C13orf42: variants seen among roughly 807,000 people sequenced by gnomAD.
C13orf42 encodes the protein chromosome 13 open reading frame 42.
chr13:51,101,413 G>A (rs7327406), intron 1 of C13orf42, among the ~76,000 whole-genome samples: 54,940 of 151,808 alleles, frequency 0.36, 10,265 homozygotes, highest in East Asian at 0.56. Flanking sequence ...AATGTATAGC[G>A]TGTGTTTTTG....
intron 1 of C13orf42, among the ~76,000 whole-genome samples, chr13:51,118,320 C>T (rs1257105204): frequency 1.3e-5 from 2 of 152,228 alleles, no homozygotes; most frequent in Non-Finnish European, 2.9e-5. Context: ...TATCCCCTGA[C>T]AGGGAACTGG....
intron 1 of C13orf42, among the ~76,000 whole-genome samples, chr13:51,121,028 T>C (rs1260275749): frequency 6.6e-6 from 1 of 152,106 alleles, no homozygotes; most frequent in Non-Finnish European, 1.5e-5. Flanking sequence ...AACAAATAAA[T>C]GCCCGTCATA....
At chr13:51,150,908 C>G (rs1045105974) in intron 1 of C13orf42, among the ~76,000 whole-genome samples, 3 of 152,130 alleles carry the variant, frequency 2.0e-5, no homozygotes, top group Admixed American at 1.3e-4. Flanking sequence ...CAGAAATAAT[C>G]CCAGCTAAAT....
intron 1 of C13orf42, among the ~76,000 whole-genome samples, chr13:51,126,153 TG>T (rs907194444): frequency 6.6e-6 from 1 of 152,240 alleles, no homozygotes; most frequent in African/African-American, 2.4e-5. Context: ...GCCACTATTT[TG>T]TTTAACATGC....
At chr13:51,153,628 T>TTTTTTGTTTGTTTG (rs1566140693) in intron 1 of C13orf42, among the ~76,000 whole-genome samples, 1 of 141,356 alleles carries the variant, frequency 7.1e-6, no homozygotes, top group African/African-American at 2.7e-5. Context: ...TCTGTTTTTT[T>TTTTTTGTTTGTTTG]TCTTTTTTTT....
At chr13:51,108,564 C>T (rs1254149881) in intron 1 of C13orf42, among the ~76,000 whole-genome samples, 3 of 152,186 alleles carry the variant, frequency 2.0e-5, no homozygotes, top group Admixed American at 1.3e-4. Context: ...GCTGAAAAGA[C>T]GGCTAAGAGC....
chr13:51,163,937 T>C (rs915952836), intron 1 of C13orf42, among the ~76,000 whole-genome samples: 8 of 152,032 alleles, frequency 5.3e-5, no homozygotes, highest in African/African-American at 1.4e-4. Flanking sequence ...GAATTCAGAA[T>C]GGCAACAAGC....
At chr13:51,141,025 AT>A (rs540697527) in intron 1 of C13orf42, among the ~76,000 whole-genome samples, 86 of 145,370 alleles carry the variant, frequency 5.9e-4, no homozygotes, top group East Asian at 1.6e-3. Context: ...ATTAAAAAAA[AT>A]TTTTTTTTTT....
intron 2 of C13orf42, among the ~76,000 whole-genome samples, chr13:51,087,435 T>A (rs917054936): frequency 6.6e-6 from 1 of 152,144 alleles, no homozygotes; most frequent in African/African-American, 2.4e-5. Flanking sequence ...GAACATAAAA[T>A]TTACCATCAT....
intron 1 of C13orf42, chr13:51,161,725 C>A (rs1368228762): frequency 4.3e-6 from 1 of 232,944 alleles, no homozygotes; most frequent in East Asian, 1.2e-4. Flanking sequence ...GTTGCAGAAT[C>A]TGCAACATTC....
At chr13:51,123,442 T>A (rs1303664360) in intron 1 of C13orf42, among the ~76,000 whole-genome samples, 2 of 152,204 alleles carry the variant, frequency 1.3e-5, no homozygotes, top group Non-Finnish European at 2.9e-5. Flanking sequence ...TCACTTCTGC[T>A]CACACTTTGT....
intron 1 of C13orf42, among the ~76,000 whole-genome samples, chr13:51,144,073 T>C (rs536592296): frequency 6.6e-6 from 1 of 152,260 alleles, no homozygotes; most frequent in African/African-American, 2.4e-5. Flanking sequence ...TTTTCATCAA[T>C]GGACAATTGT....
chr13:51,156,774 G>C (rs1054277320), intron 1 of C13orf42, among the ~76,000 whole-genome samples: 17 of 152,178 alleles, frequency 1.1e-4, no homozygotes, highest in African/African-American at 4.1e-4. Context: ...ATATTGTTCA[G>C]CTCTCATGGG....
intron 1 of C13orf42, among the ~76,000 whole-genome samples, chr13:51,094,052 G>A (rs1953208358): frequency 6.6e-6 from 1 of 152,090 alleles, no homozygotes; most frequent in Admixed American, 6.6e-5. Context: ...TGCTCACACT[G>A]TCCTGCATTT....
At chr13:51,168,053 C>T (rs894518229) in intron 1 of C13orf42, among the ~76,000 whole-genome samples, 2 of 152,204 alleles carry the variant, frequency 1.3e-5, no homozygotes, top group African/African-American at 4.8e-5. Context: ...CACAGCCTTC[C>T]TGATAGACTC....
intron 1 of C13orf42, among the ~76,000 whole-genome samples, chr13:51,171,807 C>T (rs1953955703): frequency 6.6e-6 from 1 of 152,230 alleles, no homozygotes; most frequent in African/African-American, 2.4e-5. Context: ...AAATCCAGCC[C>T]AGTTCATGGC....
intron 1 of C13orf42, among the ~76,000 whole-genome samples, chr13:51,090,335 AC>A (rs1378087196): frequency 6.6e-6 from 1 of 152,102 alleles, no homozygotes; most frequent in Non-Finnish European, 1.5e-5. Context: ...GGGTCTCATT[AC>A]CTAACCTAAG....
In C13orf42 at chr13:51,110,899, C is replaced by T. The variant is rs1953421961; in HGVS notation, c.311G>A (p.Ser104Asn). The change falls in exon 1 of 4, where the codon AGT becomes AAT. Residue 104 changes from serine (S) to asparagine (N), a missense_variant. Transcript: ENST00000563710. Reference protein sequence around the residue: ...ALRKKYLSSFSDLKPHRTQGI... With the variant: ...ALRKKYLSSFNDLKPHRTQGI... ...CTGGGTGCGGTGGGGCTTCAGATCACTGAAGCTGCTGAGATATTTTTTGCG... is the reference window on the plus strand; with the variant it reads ...CTGGGTGCGGTGGGGCTTCAGATCATTGAAGCTGCTGAGATATTTTTTGCG... 2.5e-6 allele frequency: 1 copy of T among 398,574 alleles called. No homozygotes were observed. The highest frequency in any genetic ancestry group is 4.4e-5 in the Admixed American group (1 of 22,722). The allele number at this position is 398,574 out of a possible 1,614,324, so 24.7% of individuals were successfully genotyped here. A position where few individuals can be genotyped will look rare whatever the true frequency, so the allele number is the denominator to read the frequency against.
upstream of C13orf42, among the ~76,000 whole-genome samples, chr13:51,113,596 G>A (rs1372639405): frequency 2.0e-5 from 3 of 151,628 alleles, no homozygotes; most frequent in African/African-American, 4.9e-5. Flanking sequence ...GTGTGTGTAC[G>A]TGTGTTTGTG....
Sources: allele counts gnomAD v4.1 joint callset (sites outside exome capture counted in the v4.1 genomes callset), GRCh38; gene constraint gnomAD v4.1.1; transcripts MANE v1.5; gene names NCBI Gene and HGNC (gene_info 2026-07-23, HGNC 2026-07-21).